ADAMTS17: variants seen among roughly 807,000 people sequenced by gnomAD.
ADAMTS17 encodes A disintegrin and metalloproteinase with thrombospondin motifs 17.
Under a neutral mutation model 141.5 loss-of-function variants are expected in ADAMTS17, and 113 were observed. That is an observed-to-expected ratio of 0.80 (90% CI 0.69 to 0.93). The LOEUF (loss-of-function observed/expected upper bound fraction) is 0.93. Ranked by LOEUF, ADAMTS17 falls within the 40% of genes least tolerant of loss-of-function variation. ADAMTS17 has a pLI of 0.00. For missense variants in ADAMTS17, 1,659 were observed against 1,517.9 expected (o/e 1.09, Z -1.54); for synonymous variants, 768 against 630.6 (o/e 1.22, Z -3.27).
At chr15:100,000,961 A>C (rs2060908810) in intron 18 of ADAMTS17, among the ~76,000 whole-genome samples, 1 of 152,194 alleles carries the variant, frequency 6.6e-6, no homozygotes, top group African/African-American at 2.4e-5. Flanking sequence ...TTCAGAACAG[A>C]CTGGTTTCTA....
At chr15:100,267,225 A>C (rs1297676673) in intron 4 of ADAMTS17, among the ~76,000 whole-genome samples, 1 of 151,658 alleles carries the variant, frequency 6.6e-6, no homozygotes, top group African/African-American at 2.4e-5. Flanking sequence ...TCATGTAAGC[A>C]GAGTCATTTA....
intron 14 of ADAMTS17, among the ~76,000 whole-genome samples, chr15:100,102,542 T>C (rs965441961): frequency 7.8e-6 from 1 of 127,934 alleles, no homozygotes; most frequent in Non-Finnish European, 1.7e-5. Flanking sequence ...CCGAAGGGGA[T>C]CTACATTTGA....
chr15:100,306,374 T>C (rs1207200274), intron 3 of ADAMTS17: 1 of 413,574 alleles, frequency 2.4e-6, no homozygotes, highest in Non-Finnish European at 4.8e-6. Context: ...ACTCTTGCAT[T>C]GGGAGCCCTG....
intron 14 of ADAMTS17, among the ~76,000 whole-genome samples, chr15:100,104,692 T>A (rs1596444817): frequency 6.6e-6 from 1 of 152,330 alleles, no homozygotes; most frequent in African/African-American, 2.4e-5. Flanking sequence ...GGGTGATTTG[T>A]ATGTTTAATC....
At chr15:100,242,663 C>G (rs900097417) in intron 7 of ADAMTS17, among the ~76,000 whole-genome samples, 1 of 152,194 alleles carries the variant, frequency 6.6e-6, no homozygotes, top group African/African-American at 2.4e-5. Context: ...ACTCCTCCCT[C>G]ACCTCCCAGG....
chr15:100,199,772 C>G lies in ADAMTS17; in HGVS notation c.1076-349G>C, dbSNP rs77424140. Among the ~76,000 whole-genome samples the G allele has an allele frequency of 0.066, 10,088 of 152,240 alleles. 522 individuals carry two copies. The highest frequency in any genetic ancestry group is 0.17 in the East Asian group (883 of 5,152). ...TCACCTGGATGGGCACTCCATGCTG[C>G]GATCCTACGCCAGATCTGTCTAACT... On this transcript the variant is annotated intron_variant, in intron 7 of 21. Transcript: ENST00000268070.
intron 18 of ADAMTS17, among the ~76,000 whole-genome samples, chr15:100,046,207 T>G (rs749805127): frequency 1.3e-5 from 2 of 152,184 alleles, no homozygotes; most frequent in Non-Finnish European, 2.9e-5. Context: ...AACAATTGCT[T>G]TTTATACTGT....
chr15:100,167,526 C>T (rs1199411635), intron 8 of ADAMTS17, among the ~76,000 whole-genome samples: 1 of 152,104 alleles, frequency 6.6e-6, no homozygotes, highest in Non-Finnish European at 1.5e-5. Flanking sequence ...CTCTTTGCAT[C>T]CAAGTGAAGG....
chr15:100,068,559 A>G (rs949521721), intron 15 of ADAMTS17, among the ~76,000 whole-genome samples: 1 of 152,208 alleles, frequency 6.6e-6, no homozygotes. Flanking sequence ...CAAAACTTCC[A>G]GAGGAACGAT....
chr15:100,179,337 G>A (rs1384056591), intron 8 of ADAMTS17, among the ~76,000 whole-genome samples: 1 of 152,092 alleles, frequency 6.6e-6, no homozygotes, highest in African/African-American at 2.4e-5. Context: ...GTATTTCTGT[G>A]CCTGGCTTAT....
chr15:100,046,432 T>C (rs1180888882), intron 18 of ADAMTS17, among the ~76,000 whole-genome samples: 1 of 152,200 alleles, frequency 6.6e-6, no homozygotes, highest in East Asian at 1.9e-4. Flanking sequence ...TCTCATTTCA[T>C]CTGTTTCATT....
In ADAMTS17 at chr15:100,058,228, T is replaced by TATCCCGGCTCTAACACCC. The variant is rs1567101719; in HGVS notation, c.2138-4175_2138-4174insGGGTGTTAGAGCCGGGAT. ...AACACCCCTATTCCGGCTCCAACAC[T>TATCCCGGCTCTAACACCC]CCTATCCCAGCTCTGACCCTCCTAT... is the stretch of plus-strand genomic sequence containing the variant. On this transcript the variant is annotated intron_variant, in intron 15 of 21. Coordinates refer to ENST00000268070, the MANE Select transcript of ADAMTS17 (RefSeq NM_139057.4). 4.5e-3 allele frequency among the ~76,000 whole-genome samples: 41 copies of TATCCCGGCTCTAACACCC among 9,058 alleles called. 10 individuals carry two copies. Among genetic ancestry groups the TATCCCGGCTCTAACACCC allele is most frequent in the African/African-American group, 0.011 (24 of 2,138 alleles). 5.9% of individuals were successfully genotyped at this position (9,058 alleles called of 152,430 possible). A position where few individuals can be genotyped will look rare whatever the true frequency, so the allele number is the denominator to read the frequency against.
intron 10 of ADAMTS17, among the ~76,000 whole-genome samples, chr15:100,149,236 C>G (rs139583130): frequency 6.6e-6 from 1 of 152,358 alleles, no homozygotes; most frequent in Admixed American, 6.5e-5. Context: ...ATGTCCCAGG[C>G]CTAGGGCAGC....
intron 14 of ADAMTS17, among the ~76,000 whole-genome samples, chr15:100,108,686 CAT>C (rs955067249): frequency 1.3e-5 from 2 of 152,200 alleles, no homozygotes; most frequent in Non-Finnish European, 2.9e-5. Flanking sequence ...CCTTTAGGCG[CAT>C]CTTAGTACCC....
At chr15:100,012,532 C>A (rs572843233) in intron 18 of ADAMTS17, among the ~76,000 whole-genome samples, 4 of 152,328 alleles carry the variant, frequency 2.6e-5, no homozygotes, top group Admixed American at 2.6e-4. Context: ...AGATTTAAGT[C>A]CTTAATCCGT....
intron 8 of ADAMTS17, among the ~76,000 whole-genome samples, chr15:100,186,231 A>G (rs984047801): frequency 1.3e-5 from 2 of 152,212 alleles, no homozygotes; most frequent in Admixed American, 6.5e-5. Flanking sequence ...TCTGAGACTT[A>G]GCCGATGTTA....
chr15:100,008,561 C>T (rs2061087404), intron 18 of ADAMTS17, among the ~76,000 whole-genome samples: 1 of 152,228 alleles, frequency 6.6e-6, no homozygotes, highest in African/African-American at 2.4e-5. Context: ...CCTTGGCCAG[C>T]GCTGGACTGC....
chr15:99,987,911 C>A (rs986074694), intron 20 of ADAMTS17, among the ~76,000 whole-genome samples: 9 of 151,980 alleles, frequency 5.9e-5, no homozygotes, highest in African/African-American at 2.2e-4. Flanking sequence ...GTCGGGGTCT[C>A]TTGGTTCATG....
At chr15:100,176,986 C>G (rs987916713) in intron 8 of ADAMTS17, among the ~76,000 whole-genome samples, 1 of 152,226 alleles carries the variant, frequency 6.6e-6, no homozygotes, top group Non-Finnish European at 1.5e-5. Flanking sequence ...CATGATATGA[C>G]TGTACCACAG....
Sources: gnomAD v4.1 joint callset for allele counts (sites outside exome capture counted in the v4.1 genomes callset) on GRCh38, gnomAD v4.1.1 for gene constraint, MANE v1.5 for transcripts, NCBI Gene and HGNC (gene_info 2026-07-23, HGNC 2026-07-21) for gene names.